DDX42: variants seen among roughly 807,000 people sequenced by gnomAD.
DDX42 encodes the protein DEAD-box helicase 42, also known as ATP-dependent RNA helicase DDX42.
DDX42 carries 22 observed loss-of-function variants against 101.5 expected under a neutral mutation model. That is an observed-to-expected ratio of 0.22 (90% CI 0.15 to 0.31). The LOEUF (loss-of-function observed/expected upper bound fraction) is 0.31. Among genes scored for constraint, DDX42 ranks in the 10% least tolerant of loss-of-function variants. The probability of loss-of-function intolerance (pLI) is 1.00; values close to 1 mark genes in which losing one functional copy is unlikely to be tolerated. For missense variants in DDX42, 849 were observed against 1,199.9 expected, an observed-to-expected ratio of 0.71 and a Z score of 4.32; for synonymous variants, 402 against 401.2, an observed-to-expected ratio of 1.00 and a Z score of -0.02.
At chr17:63,787,407 G>T (rs1204698850) in intron 2 of DDX42, 137 bp downstream of exon 2, 1 of 950,574 alleles carries the variant, frequency 1.1e-6, no homozygotes, top group Non-Finnish European at 1.5e-6. Flanking sequence ...GAATTCCATT[G>T]TTCCTAATAA....
At chr17:63,811,465 G>T (rs1408650273) in intron 13 of DDX42, 2 of 370,456 alleles carry the variant, frequency 5.4e-6, no homozygotes, top group African/African-American at 4.2e-5. Flanking sequence ...GCTTCAAAGA[G>T]ACAAAAAGAT....
At chr17:63,808,712 G>A (rs2039872920) in intron 9 of DDX42, 108 bp from the exon 10 acceptor site, 1 of 1,379,966 alleles carries the variant, frequency 7.2e-7, no homozygotes, top group Admixed American at 2.0e-5. Context: ...TATGTTCTAG[G>A]TTTCGATTTT....
At chr17:63,795,328 C>T (rs1372307143) in intron 3 of DDX42, among the ~76,000 whole-genome samples, 3 of 152,154 alleles carry the variant, frequency 2.0e-5, no homozygotes, top group African/African-American at 7.2e-5. Context: ...CTGTTTATAG[C>T]ACCATTTGTC....
intron 3 of DDX42, among the ~76,000 whole-genome samples, chr17:63,796,018 AAT>A (rs2039688559): frequency 6.6e-6 from 1 of 152,186 alleles, no homozygotes; most frequent in Non-Finnish European, 1.5e-5. Context: ...GTATTTAGTT[AAT>A]ATGTTAAGTG....
At chr17:63,803,890 TC>T (rs2039805399) in intron 6 of DDX42, among the ~76,000 whole-genome samples, 1 of 152,002 alleles carries the variant, frequency 6.6e-6, no homozygotes, top group Non-Finnish European at 1.5e-5. Flanking sequence ...CCTCAAGTGA[TC>T]CATCGGCCTC....
rs1043754292 is a variant in DDX42 at position 63,811,693 on chromosome 17, G to T, written c.1399-239G>T. The T allele has an allele frequency of 6.8e-6, 4 of 591,202 alleles. No homozygotes were observed. The East Asian group carries it at 1.1e-4, about 16-fold the overall frequency. The allele number at this position is 591,202 out of a possible 1,614,324, so 36.6% of individuals were successfully genotyped here. ...CCTTCAGTTGCTTGCCATGGTTATT[G>T]TTAAGGAAAGCTCTACAAAGTAGTG... On this transcript the variant is annotated intron_variant, in intron 13 of 17. Transcript: ENST00000389924.
chr17:63,815,492 C>A, intron 15 of DDX42, 71 bp from the exon 16 acceptor site: 1 of 1,202,898 alleles, frequency 8.3e-7, no homozygotes, highest in Non-Finnish European at 1.2e-6. Flanking sequence ...TTAATTTCCT[C>A]TTTGTCCTCG....
chr17:63,806,789 T>G, intron 8 of DDX42, 135 bp downstream of exon 8: 2 of 930,004 alleles, frequency 2.2e-6, no homozygotes, highest in Non-Finnish European at 2.9e-6. Flanking sequence ...TTTATCACTC[T>G]TAAGAAGTCA....
intron 14 of DDX42, 34 bp downstream of exon 14, chr17:63,812,242 C>G: frequency 6.3e-7 from 1 of 1,596,768 alleles, no homozygotes; most frequent in Non-Finnish European, 8.5e-7. Flanking sequence ...CATTAAGTTC[C>G]TAGGCTATAA....
chr17:63,782,559 G>C (rs1388104284), intron 1 of DDX42, among the ~76,000 whole-genome samples: 1 of 152,104 alleles, frequency 6.6e-6, no homozygotes, highest in Non-Finnish European at 1.5e-5. Flanking sequence ...AGAAACTTCT[G>C]AAGTTATTCT....
chr17:63,783,298 A>G (rs1015765086), intron 1 of DDX42, among the ~76,000 whole-genome samples: 1 of 152,190 alleles, frequency 6.6e-6, no homozygotes, highest in African/African-American at 2.4e-5. Flanking sequence ...AACCATTGAA[A>G]GTTTTCCTGC....
chr17:63,787,037 A>G lies in DDX42; in HGVS notation c.-13A>G. On this transcript the variant is annotated 5_prime_UTR_variant, in exon 2 of 18. Coordinates refer to ENST00000389924, the MANE Select transcript of DDX42 (RefSeq NM_203499.3). ...TTGTGTATCTTATTCCTAACAGGTC[A>G]GTCATTGGCACCATGAACTGGAATA... The G allele has an allele frequency of 6.2e-7, 1 of 1,613,916 alleles. No homozygotes were observed. Among genetic ancestry groups the G allele is most frequent in the African/African-American group, 1.3e-5 (1 of 75,032 alleles).
At position 63,818,131 on chromosome 17, in the gene DDX42, C is replaced by T; in HGVS notation, c.2550C>T (p.Ser850=). 1 of 1,613,930 alleles carries T rather than the reference C, an allele frequency of 6.2e-7. No individual in the cohort carries two copies. Among genetic ancestry groups the T allele is most frequent in the East Asian group, 2.2e-5 (1 of 44,880 alleles). The stretch of plus-strand genomic sequence containing the variant: ...ATGGATACCGCCATCCAGAAAGCAG[C>T]AGCCGTCATACTGATGGCCATCGGC... ...HGDGYRHPES[S]SRHTDGHRHG... is the part of the protein sequence containing the mutation. The change falls in exon 18 of 18, where the codon AGC becomes AGT. Residue 850 remains serine, a synonymous_variant. Transcript: ENST00000389924.
intron 17 of DDX42, 200 bp from the exon 18 acceptor site, chr17:63,817,493 GT>G (rs2039990701): frequency 1.8e-6 from 1 of 555,402 alleles, no homozygotes; most frequent in Non-Finnish European, 3.2e-6. Flanking sequence ...AACACTGGGG[GT>G]CCATCTCTCC....
intron 11 of DDX42, 188 bp from the exon 12 acceptor site, chr17:63,810,325 A>G: frequency 2.4e-6 from 1 of 421,612 alleles, no homozygotes; most frequent in Admixed American, 4.3e-5. Context: ...TCCTGACCTC[A>G]AGTGATCCGC....
intron 1 of DDX42, among the ~76,000 whole-genome samples, chr17:63,786,777 A>G (rs2039552266): frequency 1.3e-5 from 2 of 152,224 alleles, no homozygotes; most frequent in Non-Finnish European, 2.9e-5. Flanking sequence ...TCTCAGATTC[A>G]AGTGATTCTT....
intron 1 of DDX42, among the ~76,000 whole-genome samples, chr17:63,780,654 C>G (rs973652442): frequency 2.6e-5 from 4 of 152,150 alleles, no homozygotes; most frequent in African/African-American, 9.7e-5. Context: ...GCTGTGTGTT[C>G]TAGATGAGCT....
chr17:63,806,402 G>A, intron 7 of DDX42, 133 bp from the exon 8 acceptor site: 1 of 954,074 alleles, frequency 1.0e-6, no homozygotes, highest in South Asian at 2.9e-5. Context: ...TTCATTGTAT[G>A]ATTTTGGCTT....
chr17:63,790,817 G>C (rs990905154), intron 2 of DDX42, among the ~76,000 whole-genome samples: 1 of 152,140 alleles, frequency 6.6e-6, no homozygotes, highest in African/African-American at 2.4e-5. Flanking sequence ...TGTAATGCCA[G>C]CTATTTGGGA....
Sources: gnomAD v4.1 joint callset for allele counts (sites outside exome capture counted in the v4.1 genomes callset) on GRCh38, gnomAD v4.1.1 for gene constraint, MANE v1.5 for transcripts, NCBI Gene and HGNC (gene_info 2026-07-23, HGNC 2026-07-21) for gene names.